KATNIP: variants seen among roughly 807,000 people sequenced by gnomAD.
KATNIP encodes the protein katanin interacting protein, also known as katanin-interacting protein.
A neutral mutation model predicts 174.0 loss-of-function variants in KATNIP; 126 were observed. That is an observed-to-expected ratio of 0.72 (90% CI 0.63 to 0.84). The LOEUF (loss-of-function observed/expected upper bound fraction) is 0.84, where lower values mean the gene tolerates loss of function less well. KATNIP is among the 40% of genes least tolerant of loss of function. KATNIP has a pLI of 0.00. For synonymous variants in KATNIP, 810 were observed against 835.7 expected (o/e 0.97, Z 0.53); for missense variants, 1,958 against 2,109.7 (o/e 0.93, Z 1.41).
chr16:27,695,386 C>T (rs1282060052), intron 8 of KATNIP, among the ~76,000 whole-genome samples: 2 of 152,188 alleles, frequency 1.3e-5, no homozygotes, highest in African/African-American at 2.4e-5. Context: ...CTGCTGGCTC[C>T]GCTCCAGCCC....
chr16:27,726,864 G>A (rs150324596), intron 14 of KATNIP, among the ~76,000 whole-genome samples: 235 of 152,308 alleles, frequency 1.5e-3, no homozygotes, highest in African/African-American at 4.8e-3. Context: ...AGTGGCTGGA[G>A]CATGGGGAAC....
chr16:27,600,480 C>T (rs1349414146), intron 2 of KATNIP, among the ~76,000 whole-genome samples: 2 of 152,124 alleles, frequency 1.3e-5, no homozygotes, highest in African/African-American at 2.4e-5. Flanking sequence ...ACTCTCTAGC[C>T]GTCCCCTGGG....
At chr16:27,689,885 G>A (rs992464897) in intron 8 of KATNIP, among the ~76,000 whole-genome samples, 1 of 152,112 alleles carries the variant, frequency 6.6e-6, no homozygotes, top group Non-Finnish European at 1.5e-5. Context: ...GCCCATCTTG[G>A]CCCCATAGAG....
chr16:27,586,218 C>T (rs772998959), intron 2 of KATNIP, among the ~76,000 whole-genome samples: 3 of 152,024 alleles, frequency 2.0e-5, no homozygotes, highest in African/African-American at 2.4e-5. Flanking sequence ...GCATTGTATC[C>T]CTGTATAAAA....
Position 27,740,701 on chromosome 16 carries a change from G to A in KATNIP, c.2404G>A (p.Glu802Lys), listed in dbSNP as rs777793472. ...CATCGGTGAGGGTCCTGGAGAGACC[G>A]AGGCCAGGGATAAAGGCCTACGGCA... ...DVIGEGPGET[E>K]ARDKGLRHEP... The change falls in exon 15 of 28, where the codon GAG becomes AAG. Residue 802 changes from glutamate (E) to lysine (K), a missense_variant. Coordinates refer to ENST00000261588, the MANE Select transcript of KATNIP (RefSeq NM_015202.5). 26 of 1,614,042 alleles carry A rather than the reference G, an allele frequency of 1.6e-5. No homozygotes were observed. The highest frequency in any genetic ancestry group is 4.0e-5 in the African/African-American group (3 of 74,928).
At chr16:27,758,129 A>G (rs2081807296) in intron 18 of KATNIP, among the ~76,000 whole-genome samples, 1 of 152,278 alleles carries the variant, frequency 6.6e-6, no homozygotes, top group African/African-American at 2.4e-5. Context: ...TTGCCAGGCA[A>G]ACAAAGAGAT....
At chr16:27,554,049 G>A (rs543800010) in intron 1 of KATNIP, among the ~76,000 whole-genome samples, 2 of 151,800 alleles carry the variant, frequency 1.3e-5, no homozygotes, top group African/African-American at 4.8e-5. Flanking sequence ...GAGGAAAGAA[G>A]GGAGGGATGG....
intron 7 of KATNIP, chr16:27,679,137 G>C (rs990245491): frequency 9.2e-5 from 14 of 152,196 alleles, no homozygotes; most frequent in African/African-American, 3.4e-4. Context: ...GTTTGCGAGG[G>C]TTGTCATGAC....
At chr16:27,764,293 C>G (rs1040567288) in intron 19 of KATNIP, among the ~76,000 whole-genome samples, 1 of 152,126 alleles carries the variant, frequency 6.6e-6, no homozygotes, top group Non-Finnish European at 1.5e-5. Context: ...ACGTGTGTTT[C>G]TTTTTAGGGA....
intron 14 of KATNIP, among the ~76,000 whole-genome samples, chr16:27,735,133 G>T (rs985760417): frequency 2.6e-5 from 4 of 152,208 alleles, no homozygotes; most frequent in Admixed American, 6.5e-5. Context: ...GAGCTGCCAG[G>T]CAGGGTACGA....
intron 19 of KATNIP, among the ~76,000 whole-genome samples, chr16:27,763,619 C>CAAAAAAAA (rs565418198): frequency 7.2e-4 from 36 of 49,668 alleles, no homozygotes; most frequent in South Asian, 1.4e-3. Flanking sequence ...TGTCTCAACA[C>CAAAAAAAA]AAAAAAAAAA....
rs369429317 is a variant in KATNIP, at chr16:27,776,095, G to C, written c.4450-833G>C. On this transcript the variant is annotated intron_variant, in intron 24 of 27. Coordinates refer to ENST00000261588, the MANE Select transcript of KATNIP (RefSeq NM_015202.5). This position sits in a 1 kb window ranked among gnomAD's most constrained non-coding sequence, Gnocchi z 4.7. ...CGGCTGGACTCCAACATCTGTATCT[G>C]CTTGAGCCTCACAGGCAACTGAGTT... Among the ~76,000 whole-genome samples, 4 of 152,230 alleles carry C rather than the reference G, an allele frequency of 2.6e-5. No homozygotes were observed. Among genetic ancestry groups the C allele is most frequent in the East Asian group, 3.9e-4 (2 of 5,158 alleles).
intron 14 of KATNIP, among the ~76,000 whole-genome samples, chr16:27,738,372 C>A (rs892414267): frequency 3.3e-5 from 5 of 152,084 alleles, no homozygotes; most frequent in Admixed American, 1.3e-4. Context: ...TTGGCGTAGA[C>A]ACATGTTAAA....
chr16:27,708,776 G>A lies in KATNIP; in HGVS notation c.1461G>A (p.Trp487Ter), dbSNP rs1488492476. 7 of 1,613,680 alleles carry A rather than the reference G, an allele frequency of 4.3e-6. No homozygotes were observed. Among genetic ancestry groups the A allele is most frequent in the African/African-American group, 1.3e-5 (1 of 74,778 alleles). ...TGACCATGGAGATCCTGTCCAACTG[G>A]GGCAACTCGTGGTGGGTGGGTCTCA... ...IYVTMEILSNWGNSWWVGLTE... is the reference protein window; with the variant it reads ...IYVTMEILSN The change falls in exon 13 of 28, where the codon TGG (tryptophan) becomes TGA (stop). Residue 487 changes from tryptophan to a stop codon, truncating the protein, a stop_gained. Transcript: ENST00000261588. LOFTEE classifies it high-confidence loss of function.
intron 6 of KATNIP, among the ~76,000 whole-genome samples, chr16:27,651,282 TTTC>T (rs934102251): frequency 6.6e-6 from 1 of 152,238 alleles, no homozygotes; most frequent in African/African-American, 2.4e-5. Flanking sequence ...ATTTCTCTCT[TTTC>T]TTTTTTTTCC....
At chr16:27,662,464 G>A (rs766783794) in intron 6 of KATNIP, among the ~76,000 whole-genome samples, 8 of 152,090 alleles carry the variant, frequency 5.3e-5, no homozygotes, top group South Asian at 2.1e-4. Flanking sequence ...ACCAAAAGAC[G>A]GCTGGCTTGT....
chr16:27,707,140 G>A (rs149259000), intron 12 of KATNIP, among the ~76,000 whole-genome samples: 241 of 152,238 alleles, frequency 1.6e-3, no homozygotes, highest in African/African-American at 4.9e-3. Flanking sequence ...AGCACGTCTC[G>A]CTGGCTATTA....
intron 1 of KATNIP, among the ~76,000 whole-genome samples, chr16:27,572,172 T>G (rs985193733): frequency 6.6e-6 from 1 of 152,004 alleles, no homozygotes; most frequent in Non-Finnish European, 1.5e-5. Flanking sequence ...TCCCAGCACT[T>G]TGGGAGGCCA....
At chr16:27,694,309 A>G (rs184946511) in intron 8 of KATNIP, among the ~76,000 whole-genome samples, 111 of 152,272 alleles carry the variant, frequency 7.3e-4, no homozygotes, top group Admixed American at 2.1e-3. Context: ...GCCCTTAATA[A>G]TCAACAGCTG....
Sources: gnomAD v4.1 joint callset for allele counts (sites outside exome capture counted in the v4.1 genomes callset) on GRCh38, gnomAD v4.1.1 for gene constraint, Gnocchi (gnomAD v3.1) non-coding constraint, MANE v1.5 for transcripts, NCBI Gene and HGNC (gene_info 2026-07-23, HGNC 2026-07-21) for gene names.